Variants in MEF2C observed in about 807,000 individuals in gnomAD.
MEF2C encodes myocyte enhancer factor 2C, also known as myocyte-specific enhancer factor 2C.
MEF2C carries 6 observed loss-of-function variants against 50.5 expected under a neutral mutation model. The ratio of observed to expected loss-of-function variants is 0.12; its 90% CI spans 0.07 to 0.23. The LOEUF is 0.23. Ranked by LOEUF, MEF2C falls within the 10% of genes least tolerant of loss-of-function variation. The pLI, the probability that MEF2C is intolerant of heterozygous loss-of-function variation, is 1.00. For missense variants in MEF2C, 276 were observed against 605.0 expected (o/e 0.46, Z 5.70); for synonymous variants, 183 against 228.0 (o/e 0.80, Z 1.78).
At chr5:88,888,221 T>C (rs1834193957) in intron 1 of MEF2C, 1 of 152,262 alleles carries the variant, frequency 6.6e-6, no homozygotes, top group Non-Finnish European at 1.5e-5. Context: ...TGCTCCTGTG[T>C]TCTGATTTCT....
chr5:88,733,561 G>T, intron 6 of MEF2C: 1 of 985,376 alleles, frequency 1.0e-6, no homozygotes, highest in Non-Finnish European at 1.2e-6. Context: ...GAGGAACTGG[G>T]AAGGCAGAGC....
chr5:88,811,366 T>C (rs1050707649), intron 2 of MEF2C, among the ~76,000 whole-genome samples: 1 of 152,166 alleles, frequency 6.6e-6, no homozygotes, highest in Non-Finnish European at 1.5e-5. Context: ...AATCTAGTGA[T>C]GAGAACTTCC....
intron 3 of MEF2C, among the ~76,000 whole-genome samples, chr5:88,768,466 C>T (rs1002861861): frequency 1.2e-4 from 19 of 152,146 alleles, no homozygotes; most frequent in African/African-American, 3.6e-4. Flanking sequence ...GCCAGTGGTC[C>T]TCTGGATGCT....
At chr5:88,816,076 T>C (rs925114697) in intron 2 of MEF2C, among the ~76,000 whole-genome samples, 13 of 152,120 alleles carry the variant, frequency 8.5e-5, no homozygotes, top group African/African-American at 2.9e-4. Flanking sequence ...ATATGAGATA[T>C]ACAAATTAGA....
intron 1 of MEF2C, among the ~76,000 whole-genome samples, chr5:88,875,470 T>C (rs116225175): frequency 0.012 from 1,874 of 152,144 alleles, 25 homozygotes; most frequent in Non-Finnish European, 0.019. Context: ...ACAAGCTTCA[T>C]TGAAAAGAAA....
chr5:88,807,336 G>A (rs778710076), intron 2 of MEF2C, among the ~76,000 whole-genome samples: 1 of 152,006 alleles, frequency 6.6e-6, no homozygotes, highest in African/African-American at 2.4e-5. Flanking sequence ...CCATCCTCCC[G>A]CCTCAACCTC....
intron 6 of MEF2C, chr5:88,740,677 CAAA>C (rs756482590): frequency 7.6e-6 from 6 of 793,486 alleles, no homozygotes; most frequent in Non-Finnish European, 8.8e-6. Context: ...GTCTCCAGTA[CAAA>C]AAAAAAAAAA....
intron 3 of MEF2C, among the ~76,000 whole-genome samples, chr5:88,796,646 A>T (rs1215311808): frequency 1.3e-5 from 2 of 151,958 alleles, no homozygotes; most frequent in African/African-American, 4.8e-5. Flanking sequence ...TTCGGCTCTT[A>T]GTTATTTCTT....
intron 3 of MEF2C, among the ~76,000 whole-genome samples, chr5:88,792,097 A>T (rs992233795): frequency 3.3e-5 from 5 of 152,088 alleles, no homozygotes; most frequent in African/African-American, 1.2e-4. Context: ...ATTTCTCTAA[A>T]TTTTTTTATA....
At chr5:88,761,406 C>T in intron 3 of MEF2C, 78 bp from the exon 4 acceptor site, 2 of 1,499,468 alleles carry the variant, frequency 1.3e-6, no homozygotes, top group Non-Finnish European at 9.0e-7. Flanking sequence ...GAAGTTCAAG[C>T]TGTCCAGTAT....
intron 6 of MEF2C, chr5:88,740,959 G>C: frequency 1.0e-6 from 1 of 985,362 alleles, no homozygotes; most frequent in Non-Finnish European, 1.2e-6. Flanking sequence ...ATTAGAGAGA[G>C]CATGACAGAA....
chr5:88,865,982 G>A (rs1581746019), intron 1 of MEF2C, among the ~76,000 whole-genome samples: 1 of 151,146 alleles, frequency 6.6e-6, no homozygotes, highest in African/African-American at 2.4e-5. Flanking sequence ...TGCAAGCTCC[G>A]CCTCCTGGGT....
At chr5:88,828,058 T>C (rs1457811504) in intron 1 of MEF2C, among the ~76,000 whole-genome samples, 6 of 151,980 alleles carry the variant, frequency 3.9e-5, no homozygotes, top group Non-Finnish European at 7.4e-5. Flanking sequence ...ATCTCCTCAC[T>C]ATTAGGTTCT....
chr5:88,882,662 C>T (rs1833287076), intron 1 of MEF2C, among the ~76,000 whole-genome samples: 2 of 152,184 alleles, frequency 1.3e-5, no homozygotes, highest in African/African-American at 4.8e-5. Context: ...ATCAAACATG[C>T]TAATGACGTG....
chr5:88,837,863 A>G (rs1815785941), intron 1 of MEF2C, among the ~76,000 whole-genome samples: 1 of 152,242 alleles, frequency 6.6e-6, no homozygotes, highest in Non-Finnish European at 1.5e-5. Flanking sequence ...TAATAAATAC[A>G]TAATAGCTAG....
chr5:88,875,464 G>A (rs1830759016), intron 1 of MEF2C, among the ~76,000 whole-genome samples: 1 of 152,016 alleles, frequency 6.6e-6, no homozygotes, highest in Non-Finnish European at 1.5e-5. Flanking sequence ...TAATGCACAA[G>A]CTTCATTGAA....
At chr5:88,881,021 G>A (rs934267283) in intron 1 of MEF2C, 4 of 151,994 alleles carry the variant, frequency 2.6e-5, no homozygotes, top group Non-Finnish European at 5.9e-5. Flanking sequence ...TTCCTAAGAA[G>A]TCTGAAAAAA....
intron 1 of MEF2C, among the ~76,000 whole-genome samples, chr5:88,862,480 T>C (rs1825830266): frequency 6.6e-6 from 1 of 152,194 alleles, no homozygotes; most frequent in Non-Finnish European, 1.5e-5. Context: ...TACAAGATGT[T>C]TTCCTACTGG....
intron 1 of MEF2C, among the ~76,000 whole-genome samples, chr5:88,851,816 A>C (rs2153386046): frequency 6.6e-6 from 1 of 152,266 alleles, no homozygotes; most frequent in East Asian, 1.9e-4. Context: ...AGTACTGGAA[A>C]TTATAAAATG....
Sources: gnomAD v4.1 joint callset for allele counts (sites outside exome capture counted in the v4.1 genomes callset) on GRCh38, gnomAD v4.1.1 for gene constraint, MANE v1.5 for transcripts, NCBI Gene and HGNC (gene_info 2026-07-23, HGNC 2026-07-21) for gene names.